GLRA2: variants seen among roughly 807,000 people sequenced by gnomAD.
GLRA2 encodes glycine receptor alpha 2.
Under a neutral mutation model 31.6 loss-of-function variants are expected in GLRA2, and 11 were observed. That is an observed-to-expected ratio of 0.35 (90% CI 0.22 to 0.58). GLRA2 has a LOEUF of 0.58. Among genes scored for constraint, GLRA2 ranks in the 20% least tolerant of loss-of-function variants. GLRA2 has a pLI of 0.84. For synonymous variants in GLRA2, 132 were observed against 134.0 expected, an observed-to-expected ratio of 0.99 and a Z score of 0.10; for missense variants, 212 against 351.8, an observed-to-expected ratio of 0.60 and a Z score of 3.18.
intron 7 of GLRA2, among the ~76,000 whole-genome samples, chrX:14,683,651 G>T (rs1450023009): frequency 3.6e-5 from 4 of 111,542 alleles, no homozygotes; most frequent in African/African-American, 1.3e-4. Context: ...TATTGCCTAG[G>T]TTTCCTTCTA....
intron 7 of GLRA2, among the ~76,000 whole-genome samples, chrX:14,678,971 G>C (rs906090049): frequency 9.0e-6 from 1 of 110,918 alleles, no homozygotes; most frequent in Non-Finnish European, 1.9e-5. Context: ...AGATTTTAGC[G>C]GTCCTAACAT....
chrX:14,686,477 G>C (rs1424272355), intron 7 of GLRA2, among the ~76,000 whole-genome samples: 1 of 110,838 alleles, frequency 9.0e-6, no homozygotes, highest in East Asian at 2.8e-4. Context: ...CTAAGGACTT[G>C]CTTTATGAAT....
intron 7 of GLRA2, among the ~76,000 whole-genome samples, chrX:14,638,671 C>A (rs2147126044): frequency 9.0e-6 from 1 of 110,803 alleles, no homozygotes; most frequent in Non-Finnish European, 1.9e-5. Flanking sequence ...CAGGTACATT[C>A]ACACCAGCAC....
chrX:14,684,740 A>G (rs772211255), intron 7 of GLRA2, among the ~76,000 whole-genome samples: 1 of 111,707 alleles, frequency 9.0e-6, no homozygotes, highest in Non-Finnish European at 1.9e-5. Flanking sequence ...TTTTCTAAAG[A>G]TAAAATCATC....
At position 14,608,986 on chromosome X, in the gene GLRA2, T is replaced by C; in HGVS notation, c.716-5T>C. On this transcript the variant is annotated splice_polypyrimidine_tract_variant and splice_region_variant and intron_variant, in intron 6 of 8. Transcript: ENST00000218075. ...GGACTTTAAATGATCATTTCCTCCT[T>C]CTAGGAAAGTTTACCTGCATTGAGG... 4.2e-6 allele frequency: 4 copies of C among 951,528 alleles called. No individual in the cohort carries two copies. Among genetic ancestry groups the C allele is most frequent in the Non-Finnish European group, 6.1e-6 (4 of 659,455 alleles). 78.4% of individuals were successfully genotyped at this position (951,528 alleles called of 1,213,427 possible).
chrX:14,458,186 A>G, the GLRA2 span, among the ~76,000 whole-genome samples: 1 of 110,457 alleles, frequency 9.1e-6, no homozygotes, highest in South Asian at 3.9e-4. Context: ...CCATGTCCCT[A>G]CAAAGGACAT....
chrX:14,528,251 C>T (rs1050970465), upstream of GLRA2, among the ~76,000 whole-genome samples: 17 of 112,334 alleles, frequency 1.5e-4, no homozygotes, highest in African/African-American at 5.5e-4. Flanking sequence ...TTTATATTAA[C>T]ATTAAAAGGT....
At chrX:14,524,250 A>G in the GLRA2 span, among the ~76,000 whole-genome samples, 3 of 112,341 alleles carry the variant, frequency 2.7e-5, no homozygotes, top group Non-Finnish European at 5.6e-5. Flanking sequence ...AGAAATGGCA[A>G]TCGTTAATAT....
At chrX:14,545,256 G>A (rs1326673164) in intron 2 of GLRA2, among the ~76,000 whole-genome samples, 1 of 111,416 alleles carries the variant, frequency 9.0e-6, no homozygotes, top group African/African-American at 3.3e-5. Flanking sequence ...CAAGGCTGAG[G>A]AGTCTGCATC....
At chrX:14,630,897 T>C (rs1241418964) in intron 7 of GLRA2, among the ~76,000 whole-genome samples, 1 of 108,617 alleles carries the variant, frequency 9.2e-6, no homozygotes, top group Non-Finnish European at 1.9e-5. Flanking sequence ...TTGCACACTG[T>C]GTCCTCTGGA....
chrX:14,629,726 C>G (rs2090623806), intron 7 of GLRA2, among the ~76,000 whole-genome samples: 1 of 111,199 alleles, frequency 9.0e-6, no homozygotes, highest in Non-Finnish European at 1.9e-5. Flanking sequence ...CTTTGTTAGC[C>G]TATTGTCCAT....
chrX:14,581,445 T>C, intron 4 of GLRA2, 39 bp downstream of exon 4: 1 of 779,136 alleles, frequency 1.3e-6, no homozygotes, highest in Non-Finnish European at 2.0e-6. Context: ...CATCTCCATT[T>C]CTCCACTAAT....
At chrX:14,678,654 C>CTAACTAGCTATTTTAGTATTA (rs1200867172) in intron 7 of GLRA2, among the ~76,000 whole-genome samples, 1 of 111,797 alleles carries the variant, frequency 8.9e-6, no homozygotes, top group African/African-American at 3.3e-5. Flanking sequence ...TTTGCAAATA[C>CTAACTAGCTATTTTAGTATTA]TAACTAGCTA....
intron 7 of GLRA2, among the ~76,000 whole-genome samples, chrX:14,685,416 G>A (rs2091264926): frequency 9.0e-6 from 1 of 111,592 alleles, no homozygotes; most frequent in East Asian, 2.8e-4. Flanking sequence ...TGTACCTCTG[G>A]TAGAATTCGG....
In GLRA2 at chrX:14,609,083, A is replaced by G; in HGVS notation, c.808A>G (p.Ile270Val). 2 of 1,183,538 alleles carry G rather than the reference A, an allele frequency of 1.7e-6. No homozygotes were observed. Among genetic ancestry groups the G allele is most frequent in the South Asian group, 3.6e-5 (2 of 56,283 alleles). ...GTACATCCCAAGCCTGCTTATAGTA[A>G]TTTTGTCCTGGGTTTCCTTTTGGAT... is the stretch of plus-strand genomic sequence containing the variant. ...QMYIPSLLIV[I>V]LSWVSFWINM... Residue 270 changes from isoleucine to valine, a missense_variant, in exon 7 of 9, where the codon ATT becomes GTT. Ile to Val is a conservative substitution (Grantham distance 29, BLOSUM62 3). Transcript: ENST00000218075.
At chrX:14,719,644 G>T (rs1490415427) in intron 8 of GLRA2, among the ~76,000 whole-genome samples, 3 of 111,955 alleles carry the variant, frequency 2.7e-5, no homozygotes, top group Non-Finnish European at 5.6e-5. Context: ...AAACAGTATA[G>T]CTCAAAAGGC....
Position 14,531,903 on chromosome X carries a change from T to A in GLRA2, c.69-336T>A, listed in dbSNP as rs571811984. Among the ~76,000 whole-genome samples, 7 of 111,584 alleles carry A rather than the reference T, an allele frequency of 6.3e-5. No individual in the cohort carries two copies. In the South Asian group the frequency reaches 2.6e-3, roughly 41 times the overall value. On this transcript the variant is annotated intron_variant, in intron 1 of 8. Transcript: ENST00000218075. ...TGATTTTAAGACAATCACATGAATTTAAAAAAATATCATCTCATTTCTCTG... is the reference window on the plus strand; with the variant it reads ...TGATTTTAAGACAATCACATGAATTAAAAAAAATATCATCTCATTTCTCTG...
chrX:14,556,171 A>G (rs780486558), intron 2 of GLRA2, among the ~76,000 whole-genome samples: 1 of 111,929 alleles, frequency 8.9e-6, no homozygotes, highest in African/African-American at 3.2e-5. Flanking sequence ...CAATTCCATT[A>G]TCATAACTCC....
intron 7 of GLRA2, among the ~76,000 whole-genome samples, chrX:14,656,196 C>T (rs778382581): frequency 9.0e-6 from 1 of 111,728 alleles, no homozygotes; most frequent in African/African-American, 3.2e-5. Context: ...AAGTTGGGTC[C>T]CACTCCTAGG....
Sources: gnomAD v4.1 joint callset for allele counts (sites outside exome capture counted in the v4.1 genomes callset) on GRCh38, gnomAD v4.1.1 for gene constraint, MANE v1.5 for transcripts, NCBI Gene and HGNC (gene_info 2026-07-23, HGNC 2026-07-21) for gene names.